Variants in PCDH7 observed in about 807,000 individuals in gnomAD.
PCDH7 encodes the protein protocadherin 7.
Under a neutral mutation model 58.9 loss-of-function variants are expected in PCDH7, and 17 were observed. The ratio of observed to expected loss-of-function variants is 0.29; its 90% CI spans 0.20 to 0.43. The LOEUF is 0.43. Among genes scored for constraint, PCDH7 ranks in the 20% least tolerant of loss-of-function variants. The pLI, the probability that PCDH7 is intolerant of heterozygous loss-of-function variation, is 1.00. For missense variants in PCDH7, 1,274 were observed against 1,441.0 expected, an observed-to-expected ratio of 0.88 and a Z score of 1.88; for synonymous variants, 664 against 616.4, an observed-to-expected ratio of 1.08 and a Z score of -1.14.
At chr4:30,794,108 T>C (rs923647528) in intron 1 of PCDH7, 6 of 152,164 alleles carry the variant, frequency 3.9e-5, no homozygotes, top group Admixed American at 3.3e-4. Context: ...TCATGTGAGA[T>C]AGAAGTTTCT....
At chr4:30,902,691 G>A (rs1302367316) in intron 1 of PCDH7, among the ~76,000 whole-genome samples, 1 of 151,922 alleles carries the variant, frequency 6.6e-6, no homozygotes, top group Non-Finnish European at 1.5e-5. Flanking sequence ...GGAAAAAAAA[G>A]AGACTTGAAA....
intron 1 of PCDH7, among the ~76,000 whole-genome samples, chr4:30,789,375 AC>A (rs1264167640): frequency 6.6e-6 from 1 of 152,184 alleles, no homozygotes; most frequent in Non-Finnish European, 1.5e-5. Flanking sequence ...AGAGAAGGAA[AC>A]ACTAGCCCCT....
intron 1 of PCDH7, among the ~76,000 whole-genome samples, chr4:30,819,114 T>G (rs1478663843): frequency 6.6e-6 from 1 of 152,126 alleles, no homozygotes; most frequent in East Asian, 1.9e-4. Context: ...GTGATGTGCT[T>G]CTTGTTTTCT....
At chr4:31,039,263 C>T (rs1365894442) in intron 3 of PCDH7, among the ~76,000 whole-genome samples, 1 of 152,234 alleles carries the variant, frequency 6.6e-6, no homozygotes, top group African/African-American at 2.4e-5. Flanking sequence ...CTTCTACCAT[C>T]AGAGGCAAAT....
At chr4:31,062,500 A>C (rs1757765110) in intron 3 of PCDH7, among the ~76,000 whole-genome samples, 1 of 151,720 alleles carries the variant, frequency 6.6e-6, no homozygotes, top group African/African-American at 2.4e-5. Context: ...GAAATGCAAA[A>C]ATTAATAATC....
At chr4:30,814,457 A>G (rs1246994593) in intron 1 of PCDH7, among the ~76,000 whole-genome samples, 1 of 152,074 alleles carries the variant, frequency 6.6e-6, no homozygotes, top group Admixed American at 6.6e-5. Flanking sequence ...GAATTTTTAA[A>G]ACCATATTAA....
At chr4:30,830,088 C>T (rs1434311343) in intron 1 of PCDH7, among the ~76,000 whole-genome samples, 2 of 152,030 alleles carry the variant, frequency 1.3e-5, no homozygotes, top group African/African-American at 4.8e-5. Flanking sequence ...CTTTAATAGA[C>T]TCTCATCTTG....
intron 3 of PCDH7, among the ~76,000 whole-genome samples, chr4:31,137,110 C>T (rs1220119949): frequency 2.0e-5 from 3 of 152,020 alleles, no homozygotes; most frequent in African/African-American, 7.2e-5. Context: ...TTTGTAAAAC[C>T]TTTTGTAAGT....
chr4:31,102,649 G>A (rs1013546640), intron 3 of PCDH7, among the ~76,000 whole-genome samples: 2 of 151,128 alleles, frequency 1.3e-5, no homozygotes, highest in Non-Finnish European at 2.9e-5. Flanking sequence ...TTCCAGCCTG[G>A]GTGACAAGAG....
chr4:31,094,550 C>G (rs77965487), intron 3 of PCDH7, among the ~76,000 whole-genome samples: 1 of 152,116 alleles, frequency 6.6e-6, no homozygotes, highest in Non-Finnish European at 1.5e-5. Flanking sequence ...ACAGGTCACA[C>G]TGAGATAACA....
intron 3 of PCDH7, among the ~76,000 whole-genome samples, chr4:31,126,346 TA>T (rs1355647703): frequency 2.0e-5 from 3 of 151,928 alleles, no homozygotes; most frequent in African/African-American, 4.8e-5. Context: ...TTTTAGTAGA[TA>T]GGGGGTTTTG....
chr4:30,779,927 G>A (rs1256641640), intron 1 of PCDH7, among the ~76,000 whole-genome samples: 7 of 152,046 alleles, frequency 4.6e-5, no homozygotes, highest in Non-Finnish European at 1.0e-4. Flanking sequence ...GTTTCTCTCA[G>A]GCAGCCTTGG....
chr4:30,974,985 G>T (rs1439237891), intron 3 of PCDH7, among the ~76,000 whole-genome samples: 2 of 152,098 alleles, frequency 1.3e-5, no homozygotes, highest in Non-Finnish European at 2.9e-5. Context: ...AGAACCATTA[G>T]AGCAAGGAGA....
At chr4:30,843,586 T>C (rs1341750613) in intron 1 of PCDH7, among the ~76,000 whole-genome samples, 2 of 152,224 alleles carry the variant, frequency 1.3e-5, no homozygotes, top group South Asian at 2.1e-4. Flanking sequence ...CTGATTTCTG[T>C]CTTTACTTTG....
intron 3 of PCDH7, among the ~76,000 whole-genome samples, chr4:30,957,047 A>T (rs6818938): frequency 6.4e-4 from 98 of 152,078 alleles, no homozygotes; most frequent in Admixed American, 2.0e-3. Flanking sequence ...ACAGTAAAAA[A>T]CAATATATAT....
chr4:31,055,380 G>A (rs1018129759), intron 3 of PCDH7, among the ~76,000 whole-genome samples: 18 of 152,028 alleles, frequency 1.2e-4, no homozygotes, highest in African/African-American at 4.1e-4. Flanking sequence ...TTAGGCAGTA[G>A]TATAGTAGCT....
chr4:30,900,051 C>T (rs1740014803), intron 1 of PCDH7, among the ~76,000 whole-genome samples: 1 of 152,154 alleles, frequency 6.6e-6, no homozygotes, highest in Admixed American at 6.5e-5. Flanking sequence ...TGATGTTTGG[C>T]TAAAGGACTT....
At chr4:30,776,323 GA>G (rs1722064176) in intron 1 of PCDH7, 1 of 152,202 alleles carries the variant, frequency 6.6e-6, no homozygotes, top group South Asian at 2.1e-4. Flanking sequence ...AAGAAGAATG[GA>G]ATGTAGTCTA....
chr4:30,822,169 G>A (rs183917897), intron 1 of PCDH7, among the ~76,000 whole-genome samples: 14 of 152,254 alleles, frequency 9.2e-5, no homozygotes, highest in Admixed American at 3.9e-4. Context: ...GTGAGGTCAT[G>A]AGAGTGCCCT....
Sources: allele counts gnomAD v4.1 joint callset (sites outside exome capture counted in the v4.1 genomes callset), GRCh38; gene constraint gnomAD v4.1.1; transcripts MANE v1.5; gene names NCBI Gene and HGNC (gene_info 2026-07-23, HGNC 2026-07-21).